The following LRIG1 variants were observed in gnomAD, a reference collection of about 807,000 sequenced individuals.
LRIG1 encodes leucine rich repeats and immunoglobulin like domains 1, also known as leucine-rich repeats and immunoglobulin-like domains protein 1.
A neutral mutation model predicts 99.2 loss-of-function variants in LRIG1; 48 were observed. The observed-to-expected ratio is 0.48, with a 90% CI of 0.38 to 0.62. The LOEUF (loss-of-function observed/expected upper bound fraction) is 0.62. Among genes scored for constraint, LRIG1 ranks in the 20% least tolerant of loss-of-function variants. LRIG1 has a pLI of 0.00. For synonymous variants in LRIG1, 772 were observed against 596.1 expected (o/e 1.29, Z -4.30); for missense variants, 1,646 against 1,434.4 (o/e 1.15, Z -2.38).
At chr3:66,459,463 G>A (rs1328166191) in intron 2 of LRIG1, among the ~76,000 whole-genome samples, 1 of 152,224 alleles carries the variant, frequency 6.6e-6, no homozygotes, top group Admixed American at 6.5e-5. Context: ...TCCTCAGCCT[G>A]TTCCCTTCTT....
intron 1 of LRIG1, among the ~76,000 whole-genome samples, chr3:66,486,443 C>A (rs1367236279): frequency 1.3e-5 from 2 of 152,108 alleles, no homozygotes; most frequent in Non-Finnish European, 2.9e-5. Flanking sequence ...GCCTGGAATG[C>A]AGGACTCTGA....
chr3:66,461,677 A>G (rs1447672689), intron 2 of LRIG1, among the ~76,000 whole-genome samples: 2 of 152,150 alleles, frequency 1.3e-5, no homozygotes, highest in Non-Finnish European at 2.9e-5. Flanking sequence ...GTAGTTGCCA[A>G]TTTTTCTACA....
chr3:66,383,316 G>C lies in LRIG1; in HGVS notation c.2157C>G (p.Asn719Lys), dbSNP rs764573267. The C allele has an allele frequency of 6.2e-7, 1 of 1,604,660 alleles. No homozygotes were observed. The highest frequency in any genetic ancestry group is 1.7e-5 in the Admixed American group (1 of 59,820). Residue 719 changes from asparagine to lysine, a missense_variant, in exon 15 of 19, where the codon AAC becomes AAG. Asn to Lys is a moderately conservative substitution (Grantham distance 94, BLOSUM62 0). Coordinates refer to ENST00000273261, the MANE Select transcript of LRIG1 (RefSeq NM_015541.3). The stretch of plus-strand genomic sequence containing the variant: ...TGAACCAGGTGATGCGGGGCGGAGG[G>C]TTCCCCGTGGCTTTGCATTGGAGGG... ...TVALQCKATG[N>K]PPPRITWFKG... is the part of the protein sequence containing the mutation.
In LRIG1 at chr3:66,431,483, A is replaced by C. The variant is rs1354353186; in HGVS notation, c.366-14217T>G. On this transcript the variant is annotated intron_variant, in intron 3 of 18. Transcript: ENST00000273261. ...GCCATGCATGGTTTTCTTCCAAAGA[A>C]GGCTCCGCCAACTAGGGTGAGGTGG... Among the ~76,000 whole-genome samples the C allele has an allele frequency of 3.3e-5, 5 of 152,186 alleles. No homozygotes were observed. In the East Asian group the frequency reaches 9.6e-4, roughly 29 times the overall value.
At chr3:66,397,622 T>C (rs570014086) in intron 11 of LRIG1, among the ~76,000 whole-genome samples, 1 of 152,122 alleles carries the variant, frequency 6.6e-6, no homozygotes, top group Admixed American at 6.5e-5. Flanking sequence ...CCCAGAAAGC[T>C]TGGAAATGGT....
chr3:66,458,118 T>C (rs1317499530), intron 2 of LRIG1, among the ~76,000 whole-genome samples: 1 of 152,188 alleles, frequency 6.6e-6, no homozygotes, highest in African/African-American at 2.4e-5. Context: ...GAAACTCCTT[T>C]TATTTTTATT....
At chr3:66,389,659 C>T (rs766919054) in intron 12 of LRIG1, among the ~76,000 whole-genome samples, 3 of 152,142 alleles carry the variant, frequency 2.0e-5, no homozygotes, top group Non-Finnish European at 2.9e-5. Context: ...CCTAATGGAG[C>T]GCCACAAAAC....
In LRIG1 at chr3:66,397,549, C is replaced by A. The variant is rs974084150; in HGVS notation, c.1304+563G>T. Among the ~76,000 whole-genome samples, 44 of 152,010 alleles carry A rather than the reference C, an allele frequency of 2.9e-4. 1 individual carries two copies. The highest frequency in any genetic ancestry group is 9.9e-4 in the African/African-American group (41 of 41,374). On this transcript the variant is annotated intron_variant, in intron 11 of 18. Coordinates refer to ENST00000273261, the MANE Select transcript of LRIG1 (RefSeq NM_015541.3). ...GTAGGATACAGGGAAGCTTTTCCAA[C>A]CTTGTCACCCAAGAGCCCACAGTCC...
intron 3 of LRIG1, among the ~76,000 whole-genome samples, chr3:66,433,812 C>T (rs1703255641): frequency 6.6e-6 from 1 of 152,192 alleles, no homozygotes; most frequent in Non-Finnish European, 1.5e-5. Flanking sequence ...TCTGCAGCAC[C>T]CCTTCTCTGT....
intron 12 of LRIG1, among the ~76,000 whole-genome samples, chr3:66,390,094 T>C (rs538970971): frequency 4.6e-5 from 7 of 152,264 alleles, no homozygotes; most frequent in East Asian, 1.9e-4. Context: ...AAATTCACTC[T>C]TCTTTGTATT....
chr3:66,431,512 G>A (rs139346927), intron 3 of LRIG1, among the ~76,000 whole-genome samples: 6 of 152,334 alleles, frequency 3.9e-5, no homozygotes, highest in Middle Eastern at 3.4e-3. Context: ...GAGGTGGGAA[G>A]TCCCGAGCCC....
rs1284240312 is a variant in LRIG1 at position 66,398,143 on chromosome 3, C to T, written c.1273G>A (p.Ala425Thr). ...TTAAGATTCTTCATCTTCACAAAGG[C>T]ATCAAACTGGACAGATCTGATCGCA... Reference protein sequence around the residue: ...GNAIRSVQFDAFVKMKNLKEL... With the variant: ...GNAIRSVQFDTFVKMKNLKEL... The change falls in exon 11 of 19, where the codon GCC becomes ACC. Residue 425 changes from alanine (A) to threonine (T), a missense_variant. Ala to Thr is a moderately conservative substitution (Grantham distance 58). Coordinates refer to ENST00000273261, the MANE Select transcript of LRIG1 (RefSeq NM_015541.3). 1.2e-6 allele frequency: 2 copies of T among 1,614,084 alleles called. No individual in the cohort carries two copies. Among genetic ancestry groups the T allele is most frequent in the East Asian group, 4.5e-5 (2 of 44,886 alleles).
In LRIG1 at chr3:66,379,776, AG is replaced by A. The variant is rs1380676177; in HGVS notation, c.*486del. The A allele has an allele frequency of 6.4e-6, 1 of 156,896 alleles. No individual in the cohort carries two copies. The highest frequency in any genetic ancestry group is 2.4e-5 in the African/African-American group (1 of 41,454). 9.7% of individuals were successfully genotyped at this position (156,896 alleles called of 1,614,324 possible). A position where few individuals can be genotyped will look rare whatever the true frequency, so the allele number is the denominator to read the frequency against. The stretch of plus-strand genomic sequence containing the variant: ...GTGGAGTCCCACCGCACAGCAGCCT[AG>A]GGGTCTATGAAGTGCAATATAAATC... On this transcript the variant is annotated 3_prime_UTR_variant, in exon 19 of 19. Coordinates refer to ENST00000273261, the MANE Select transcript of LRIG1 (RefSeq NM_015541.3).
intron 1 of LRIG1, among the ~76,000 whole-genome samples, chr3:66,491,242 C>T (rs78767823): frequency 0.045 from 6,812 of 152,298 alleles, 237 homozygotes; most frequent in Non-Finnish European, 0.071. Flanking sequence ...CTACAACCAA[C>T]GGCTAATTAT....
chr3:66,455,577 C>T (rs993057791), intron 2 of LRIG1, among the ~76,000 whole-genome samples: 8 of 152,236 alleles, frequency 5.3e-5, no homozygotes, highest in Non-Finnish European at 8.8e-5. Flanking sequence ...CAATCCACTA[C>T]TGGCAGACAT....
At chr3:66,423,474 G>A (rs1235912354) in intron 3 of LRIG1, among the ~76,000 whole-genome samples, 1 of 152,196 alleles carries the variant, frequency 6.6e-6, no homozygotes, top group Non-Finnish European at 1.5e-5. Context: ...GGGAGGCTGA[G>A]GCAGGAGAAT....
chr3:66,383,359 G>T lies in LRIG1; in HGVS notation c.2114C>A (p.Ser705Tyr), dbSNP rs773026984. 6.3e-7 allele frequency: 1 copy of T among 1,583,018 alleles called. No individual in the cohort carries two copies. The highest frequency in any genetic ancestry group is 8.6e-7 in the Non-Finnish European group (1 of 1,159,884). The change falls in exon 15 of 19, where the codon TCT (serine) becomes TAT (tyrosine). Residue 705 changes from serine to tyrosine, a missense_variant. Physicochemically the swap from Ser to Tyr is moderately radical, Grantham distance 144. Transcript: ENST00000273261. ...TTGGAGGGCCACTGTTTCTCCCACA[G>T]ATACCACACGGTCTTCCAAGGGGAC... The part of the protein sequence containing the change: ...LVVPLEDRVV[S>Y]VGETVALQCK...
intron 3 of LRIG1, among the ~76,000 whole-genome samples, chr3:66,439,559 TA>T (rs1703472938): frequency 6.8e-6 from 1 of 147,608 alleles, no homozygotes; most frequent in African/African-American, 2.5e-5. Context: ...ATCATCTATT[TA>T]CTTTTTTTTT....
intron 1 of LRIG1, among the ~76,000 whole-genome samples, chr3:66,489,167 G>A (rs1455362412): frequency 2.0e-5 from 3 of 152,104 alleles, no homozygotes; most frequent in East Asian, 1.9e-4. Flanking sequence ...TTGAGACTCT[G>A]CATGCACATA....
Sources: allele counts gnomAD v4.1 joint callset (sites outside exome capture counted in the v4.1 genomes callset), GRCh38; gene constraint gnomAD v4.1.1; transcripts MANE v1.5; gene names NCBI Gene and HGNC (gene_info 2026-07-23, HGNC 2026-07-21).